ATXN7L1: variants seen among roughly 807,000 people sequenced by gnomAD.
ATXN7L1 encodes the protein ataxin-7-like protein 1.
A neutral mutation model predicts 70.8 loss-of-function variants in ATXN7L1; 15 were observed. The ratio of observed to expected loss-of-function variants is 0.21; its 90% CI spans 0.14 to 0.33. ATXN7L1 has a LOEUF of 0.33. Ranked by LOEUF, ATXN7L1 falls within the 10% of genes least tolerant of loss-of-function variation. The probability of loss-of-function intolerance (pLI) is 1.00; values close to 1 mark genes in which losing one functional copy is unlikely to be tolerated. For missense variants in ATXN7L1, 975 were observed against 1,097.1 expected (o/e 0.89, Z 1.57); for synonymous variants, 440 against 445.1 (o/e 0.99, Z 0.14).
chr7:105,619,497 T>TGC (rs1257679078), intron 9 of ATXN7L1, among the ~76,000 whole-genome samples: 3 of 11,740 alleles, frequency 2.6e-4, no homozygotes, highest in African/African-American at 1.1e-3. Flanking sequence ...AACAGAAGCA[T>TGC]ATATATATAT....
chr7:105,784,452 A>G (rs1026054274), intron 3 of ATXN7L1, among the ~76,000 whole-genome samples: 21 of 152,000 alleles, frequency 1.4e-4, no homozygotes, highest in African/African-American at 4.6e-4. Context: ...ACACACACAC[A>G]CACACACTTT....
chr7:105,823,377 G>A (rs932775406), intron 2 of ATXN7L1, among the ~76,000 whole-genome samples: 14 of 152,170 alleles, frequency 9.2e-5, no homozygotes, highest in African/African-American at 2.9e-4. Context: ...GTTCAAGTAA[G>A]CATATGGGTT....
chr7:105,792,318 C>T (rs1298732923), intron 2 of ATXN7L1, among the ~76,000 whole-genome samples: 2 of 152,180 alleles, frequency 1.3e-5, no homozygotes, highest in East Asian at 1.9e-4. Flanking sequence ...TTGATTATTC[C>T]TCAGTGAGTC....
At chr7:105,741,680 T>C (rs1798037310) in intron 3 of ATXN7L1, among the ~76,000 whole-genome samples, 1 of 152,166 alleles carries the variant, frequency 6.6e-6, no homozygotes, top group South Asian at 2.1e-4. Context: ...TCCTAAACAC[T>C]AGCACCTGTG....
intron 3 of ATXN7L1, among the ~76,000 whole-genome samples, chr7:105,670,802 A>G (rs1803434983): frequency 6.6e-6 from 1 of 151,690 alleles, no homozygotes. Flanking sequence ...TCTCTACTAA[A>G]AATACAAAAA....
At chr7:105,796,354 C>G (rs993474493) in intron 2 of ATXN7L1, among the ~76,000 whole-genome samples, 2 of 152,110 alleles carry the variant, frequency 1.3e-5, no homozygotes, top group Non-Finnish European at 2.9e-5. Context: ...CAGCAAGACT[C>G]TGTCTCAAAA....
chr7:105,630,161 C>G (rs889764527), intron 7 of ATXN7L1, among the ~76,000 whole-genome samples: 5 of 152,124 alleles, frequency 3.3e-5, no homozygotes, highest in Non-Finnish European at 7.3e-5. Context: ...TCAATGAACA[C>G]TTAGGTTGTT....
chr7:105,822,610 C>T (rs1386013100), intron 2 of ATXN7L1, among the ~76,000 whole-genome samples: 1 of 152,156 alleles, frequency 6.6e-6, no homozygotes, highest in Non-Finnish European at 1.5e-5. Context: ...TTATAAAACA[C>T]CTACAGAGCT....
intron 2 of ATXN7L1, among the ~76,000 whole-genome samples, chr7:105,858,661 T>A (rs1037063346): frequency 2.6e-5 from 4 of 152,172 alleles, no homozygotes; most frequent in Admixed American, 1.3e-4. Context: ...CACCCTGATA[T>A]CTTGTAACCC....
chr7:105,718,639 A>T (rs190067426), intron 3 of ATXN7L1, among the ~76,000 whole-genome samples: 21 of 152,344 alleles, frequency 1.4e-4, no homozygotes, highest in Admixed American at 3.9e-4. Context: ...GGAGCAAAAA[A>T]TGTGGCCAGC....
At chr7:105,864,273 T>C (rs1373190807) in intron 2 of ATXN7L1, among the ~76,000 whole-genome samples, 1 of 149,766 alleles carries the variant, frequency 6.7e-6, no homozygotes, top group East Asian at 2.0e-4. Context: ...CTGGGGAATA[T>C]AGCAAGACCT....
At chr7:105,860,092 T>C (rs956174741) in intron 2 of ATXN7L1, among the ~76,000 whole-genome samples, 6 of 141,054 alleles carry the variant, frequency 4.3e-5, no homozygotes, top group Admixed American at 3.7e-4. Flanking sequence ...GTATATTTCT[T>C]TATAAGACAT....
At chr7:105,787,726 CT>C (rs1015671381) in intron 3 of ATXN7L1, among the ~76,000 whole-genome samples, 1 of 152,184 alleles carries the variant, frequency 6.6e-6, no homozygotes, top group Non-Finnish European at 1.5e-5. Context: ...ATTGCTTTGA[CT>C]TTTTTTAGGC....
At position 105,743,845 on chromosome 7, in the gene ATXN7L1, C is replaced by T. The variant is rs376215460; in HGVS notation, c.355+44759G>A. ...ACAACAAAATTGGTCTTTGCATCTG[C>T]GAAAATTATGCTCTAGATGACAGCA... On this transcript the variant is annotated intron_variant, in intron 3 of 11. Coordinates refer to ENST00000419735, the MANE Select transcript of ATXN7L1 (RefSeq NM_020725.2). Among the ~76,000 whole-genome samples the T allele has an allele frequency of 1.7e-4, 26 of 152,260 alleles. No individual in the cohort carries two copies. In the East Asian group the frequency reaches 4.1e-3, roughly 24 times the overall value.
intron 3 of ATXN7L1, among the ~76,000 whole-genome samples, chr7:105,696,084 C>T (rs985883653): frequency 1.3e-5 from 2 of 152,204 alleles, no homozygotes; most frequent in African/African-American, 4.8e-5. Flanking sequence ...CTGCCTGTCA[C>T]ACTTCTTTCT....
chr7:105,633,216 C>A (rs1408243623), intron 7 of ATXN7L1, among the ~76,000 whole-genome samples: 1 of 152,084 alleles, frequency 6.6e-6, no homozygotes, highest in African/African-American at 2.4e-5. Context: ...TGACCTCCCA[C>A]AAATCTTTTC....
At chr7:105,632,954 A>G (rs1584416443) in intron 7 of ATXN7L1, among the ~76,000 whole-genome samples, 2 of 149,804 alleles carry the variant, frequency 1.3e-5, no homozygotes, top group African/African-American at 4.9e-5. Flanking sequence ...AAAAAGAAGA[A>G]GAGTGACTAT....
chr7:105,866,603 G>T (rs182551140), intron 2 of ATXN7L1, among the ~76,000 whole-genome samples: 41 of 152,252 alleles, frequency 2.7e-4, no homozygotes, highest in Non-Finnish European at 5.0e-4. Context: ...CCAAATCCAG[G>T]TCCATTTGGC....
intron 2 of ATXN7L1, among the ~76,000 whole-genome samples, chr7:105,845,345 G>A (rs977382909): frequency 2.0e-5 from 3 of 150,878 alleles, no homozygotes; most frequent in African/African-American, 7.3e-5. Context: ...TTTAGCCAAA[G>A]AGATGTAAGA....
Sources: allele counts gnomAD v4.1 joint callset (sites outside exome capture counted in the v4.1 genomes callset), GRCh38; gene constraint gnomAD v4.1.1; transcripts MANE v1.5; gene names NCBI Gene and HGNC (gene_info 2026-07-23, HGNC 2026-07-21).